ANKRD28: variants seen among roughly 807,000 people sequenced by gnomAD.
ANKRD28 encodes the protein serine/threonine-protein phosphatase 6 regulatory ankyrin repeat subunit A.
ANKRD28 carries 44 observed loss-of-function variants against 126.5 expected under a neutral mutation model. The observed-to-expected ratio is 0.35, with a 90% CI of 0.27 to 0.45. The LOEUF (loss-of-function observed/expected upper bound fraction) is 0.45, where lower values mean the gene tolerates loss of function less well. Ranked by LOEUF, ANKRD28 falls within the 20% of genes least tolerant of loss-of-function variation. ANKRD28 has a pLI of 1.00. For synonymous variants in ANKRD28, 442 were observed against 468.5 expected (o/e 0.94, Z 0.73); for missense variants, 1,110 against 1,316.6 (o/e 0.84, Z 2.43).
Position 15,854,685 on chromosome 3 carries a change from C to G in ANKRD28, c.27+4692G>C, listed in dbSNP as rs1185556727. Among the ~76,000 whole-genome samples the G allele has an allele frequency of 6.6e-6, 1 of 151,208 alleles. No homozygotes were observed. The highest frequency in any genetic ancestry group is 1.5e-5 in the Non-Finnish European group (1 of 67,862). ...CTACATCTATGTGTTTTTTTTTTCC[C>G]CTCTTCTAAGATCTGTAAGGGTAGA... On this transcript the variant is annotated intron_variant, in intron 1 of 27. Coordinates refer to the ANKRD28 transcript ENST00000399451. The surrounding 1 kb of genome is among the most constrained non-coding windows in gnomAD (Gnocchi z 4.1).
chr3:15,754,981 C>A (rs1040895465), intron 3 of ANKRD28, among the ~76,000 whole-genome samples: 3 of 151,882 alleles, frequency 2.0e-5, no homozygotes, highest in Non-Finnish European at 1.5e-5. Flanking sequence ...ATTAGCTAGG[C>A]ACAGCGGTGG....
Position 15,775,378 on chromosome 3 carries a change from C to T in ANKRD28, c.202-9066G>A, listed in dbSNP as rs150002132. 7.9e-5 allele frequency among the ~76,000 whole-genome samples: 12 copies of T among 152,306 alleles called. No homozygotes were observed. The East Asian group carries it at 1.9e-3, about 24-fold the overall frequency. The stretch of plus-strand genomic sequence containing the variant: ...ACTTGATGTGTGGAGGTTGTTTCCT[C>T]ATAAAGCAATTCCCCGGAGGACACC... On this transcript the variant is annotated intron_variant, in intron 2 of 27. Transcript: ENST00000683139.
intron 2 of ANKRD28, among the ~76,000 whole-genome samples, chr3:15,777,641 A>G (rs1575641002): frequency 6.6e-6 from 1 of 152,204 alleles, no homozygotes; most frequent in South Asian, 2.1e-4. Flanking sequence ...CCCAAGTACA[A>G]TTAAGCTAAA....
intron 1 of ANKRD28, among the ~76,000 whole-genome samples, chr3:15,847,388 A>C (rs1299425695): frequency 6.6e-6 from 1 of 152,196 alleles, no homozygotes; most frequent in Non-Finnish European, 1.5e-5. Flanking sequence ...CATTCATTCC[A>C]TATTTTCCAT....
intron 2 of ANKRD28, among the ~76,000 whole-genome samples, chr3:15,791,108 G>A (rs1048492023): frequency 5.3e-5 from 8 of 151,942 alleles, no homozygotes; most frequent in Non-Finnish European, 8.8e-5. Flanking sequence ...AATAAAACAC[G>A]AATGAAGAAA....
Position 15,670,450 on chromosome 3 carries a change from GGAT to G in ANKRD28, c.3069_3071del (p.Ser1024del), listed in dbSNP as rs1226175194. 3 of 1,613,952 alleles carry G rather than the reference GGAT, an allele frequency of 1.9e-6. No homozygotes were observed. Among genetic ancestry groups the G allele is most frequent in the Admixed American group, 3.3e-5 (2 of 60,018 alleles). On this transcript the variant is annotated inframe_deletion, in exon 28 of 28. Transcript: ENST00000683139. ...AACGGTTAATGGCATTGAATGTTAA[GGAT>G]GATAAAGGACTACTTGATGAGACAG...
intron 17 of ANKRD28, among the ~76,000 whole-genome samples, chr3:15,691,975 TAAAC>T (rs1423069372): frequency 2.6e-5 from 4 of 151,270 alleles, no homozygotes; most frequent in South Asian, 2.1e-4. Flanking sequence ...CAAAAATAAA[TAAAC>T]AAACAAATAA....
intron 21 of ANKRD28, among the ~76,000 whole-genome samples, chr3:15,682,757 C>A (rs917652824): frequency 6.6e-6 from 1 of 152,156 alleles, no homozygotes; most frequent in Non-Finnish European, 1.5e-5. Flanking sequence ...TTTACATATT[C>A]TACTTTCAGA....
At position 15,797,496 on chromosome 3, in the gene ANKRD28, G is replaced by A; in HGVS notation, c.-975C>T. 1.0e-6 allele frequency: 1 copy of A among 985,170 alleles called. No homozygotes were observed. Among genetic ancestry groups the A allele is most frequent in the Non-Finnish European group, 1.2e-6 (1 of 829,898 alleles). The allele number at this position is 985,170 out of a possible 1,614,324, so 61.0% of individuals were successfully genotyped here. A position where few individuals can be genotyped will look rare whatever the true frequency, so the allele number is the denominator to read the frequency against. On this transcript the variant is annotated 5_prime_UTR_variant, in exon 1 of 28. Coordinates refer to ENST00000683139, the MANE Select transcript of ANKRD28 (RefSeq NM_001349278.2). ...GTGGAGAATCCTAGTAGAACAAGCA[G>A]GCTGTGAAGGAATTAGAAGGCATTT...
rs867425556 is a variant in ANKRD28 at position 15,839,354 on chromosome 3, T to C, written c.27+20023A>G. ...AAGGCTGATCAGCTGTTCAGGACCT[T>C]AGCTGTAGAAGACATAACAAAAAAC... On this transcript the variant is annotated intron_variant, in intron 1 of 27. Coordinates refer to the ANKRD28 transcript ENST00000399451. The surrounding 1 kb of genome is among the most constrained non-coding windows in gnomAD (Gnocchi z 4.3). Among the ~76,000 whole-genome samples the C allele has an allele frequency of 6.6e-6, 1 of 152,042 alleles. No homozygotes were observed. Among genetic ancestry groups the C allele is most frequent in the Admixed American group, 6.6e-5 (1 of 15,258 alleles).
Position 15,685,240 on chromosome 3 carries a change from C to G in ANKRD28, c.2375G>C (p.Trp792Ser). The change falls in exon 21 of 28, where the codon TGG becomes TCG. Residue 792 changes from tryptophan (W) to serine (S), a missense_variant. Transcript: ENST00000683139. ...ADNHGYTALHWACYNGHETCV... is the reference protein window; with the variant it reads ...ADNHGYTALHSACYNGHETCV... Reference sequence around the variant, plus strand: ...GTATACTTAACCATTGTAGCAAGCCCAGTGAAGTGCCGTATATCCATGATT... The same window carrying G: ...GTATACTTAACCATTGTAGCAAGCCGAGTGAAGTGCCGTATATCCATGATT... 1 of 1,613,944 alleles carries G rather than the reference C, an allele frequency of 6.2e-7. No individual in the cohort carries two copies.
chr3:15,709,740 T>C lies in ANKRD28; in HGVS notation c.1338-4A>G, dbSNP rs746460948. ...AAGGTTTAGGCACTCCAAATTCCTA[T>C]TGAGAGAAAATACAGTTAGAAAACT... On this transcript the variant is annotated splice_region_variant and splice_polypyrimidine_tract_variant and intron_variant, in intron 12 of 27. Transcript: ENST00000683139. 18 of 1,553,476 alleles carry C rather than the reference T, an allele frequency of 1.2e-5. No individual in the cohort carries two copies. The highest frequency in any genetic ancestry group is 1.4e-5 in the African/African-American group (1 of 72,938).
intron 27 of ANKRD28, among the ~76,000 whole-genome samples, chr3:15,674,174 CAAAAAAAAAAA>C (rs34806568): frequency 9.9e-5 from 4 of 40,282 alleles, no homozygotes; most frequent in Admixed American, 4.4e-4. Flanking sequence ...CCTGCCTCTT[CAAAAAAAAAAA>C]AAAAAAAAAA....
intron 14 of ANKRD28, among the ~76,000 whole-genome samples, chr3:15,699,936 G>C (rs143728671): frequency 6.6e-6 from 1 of 152,096 alleles, no homozygotes; most frequent in South Asian, 2.1e-4. Flanking sequence ...ACATGCACAC[G>C]TATGTTTACT....
Position 15,721,091 on chromosome 3 carries a change from G to A in ANKRD28, c.820C>T (p.His274Tyr), listed in dbSNP as rs1559404699. ...TCTTGTCCATTATAGCAGGCTACAT[G>A]AAGAGGTGTATTTCCATAGGCATTT... is the stretch of plus-strand genomic sequence containing the variant. ...EPNAYGNTPL[H>Y]VACYNGQDVV... Residue 274 changes from histidine (H) to tyrosine (Y), a missense_variant, in exon 8 of 28, where the codon CAT becomes TAT. Physicochemically the swap from His to Tyr is moderately conservative, Grantham distance 83. Transcript: ENST00000683139. 6.2e-7 allele frequency: 1 copy of A among 1,613,500 alleles called. No individual in the cohort carries two copies. The highest frequency in any genetic ancestry group is 1.3e-5 in the African/African-American group (1 of 74,892).
chr3:15,719,087 A>T (rs1447802691), intron 8 of ANKRD28, among the ~76,000 whole-genome samples: 1 of 152,218 alleles, frequency 6.6e-6, no homozygotes, highest in Non-Finnish European at 1.5e-5. Flanking sequence ...AAAAACTTTT[A>T]AAAAGATGGT....
upstream of ANKRD28, among the ~76,000 whole-genome samples, chr3:15,799,093 C>T (rs2060399559): frequency 6.6e-6 from 1 of 151,980 alleles, no homozygotes; most frequent in South Asian, 2.1e-4. Flanking sequence ...ATCTATTCTG[C>T]TATCACTGAG....
intron 10 of ANKRD28, among the ~76,000 whole-genome samples, chr3:15,713,291 T>C (rs2072573891): frequency 6.6e-6 from 1 of 152,222 alleles, no homozygotes; most frequent in Admixed American, 6.5e-5. Flanking sequence ...AAAACTGCGT[T>C]ATTACTCAAA....
chr3:15,764,481 A>C (rs1462305279), intron 3 of ANKRD28, among the ~76,000 whole-genome samples: 2 of 152,108 alleles, frequency 1.3e-5, no homozygotes, highest in Non-Finnish European at 2.9e-5. Flanking sequence ...TTTTAAAAGG[A>C]AGGGATTAAG....
Sources: gnomAD v4.1 joint callset for allele counts (sites outside exome capture counted in the v4.1 genomes callset) on GRCh38, gnomAD v4.1.1 for gene constraint, Gnocchi (gnomAD v3.1) non-coding constraint, MANE v1.5 for transcripts, NCBI Gene and HGNC (gene_info 2026-07-23, HGNC 2026-07-21) for gene names.